ATXN10: variants seen among roughly 807,000 people sequenced by gnomAD.
ATXN10 encodes the protein ataxin-10.
Under a neutral mutation model 52.9 loss-of-function variants are expected in ATXN10, and 28 were observed. The ratio of observed to expected loss-of-function variants is 0.53; its 90% CI spans 0.39 to 0.73. The LOEUF (loss-of-function observed/expected upper bound fraction) is 0.73. Ranked by LOEUF, ATXN10 falls within the 30% of genes least tolerant of loss-of-function variation. The probability of loss-of-function intolerance (pLI) is 0.00; values close to 1 mark genes in which losing one functional copy is unlikely to be tolerated. For synonymous variants in ATXN10, 226 were observed against 221.5 expected (o/e 1.02, Z -0.18); for missense variants, 565 against 577.0 (o/e 0.98, Z 0.21).
intron 1 of ATXN10, chr22:45,679,213 T>C (rs1355782622): frequency 6.6e-6 from 1 of 152,232 alleles, no homozygotes; most frequent in Non-Finnish European, 1.5e-5. Flanking sequence ...TATTTACCTC[T>C]GTTTTCAGTA....
At position 45,692,996 on chromosome 22, in the gene ATXN10, G is replaced by A; in HGVS notation, c.309G>A (p.Arg103=). The A allele has an allele frequency of 6.2e-7, 1 of 1,613,952 alleles. No individual in the cohort carries two copies. The highest frequency in any genetic ancestry group is 8.5e-7 in the Non-Finnish European group (1 of 1,179,920). ...ATTTTGTCTTTTTTAAAAAACCCAG[G>A]AACTTGGATACGATTGGTGTTGCTG... is the stretch of plus-strand genomic sequence containing the variant. ...IECSVNQNSI[R]NLDTIGVAVD... The change falls in exon 3 of 12, where the codon AGG becomes AGA. Residue 103 remains arginine (R), a splice_region_variant and synonymous_variant. Coordinates refer to ENST00000252934, the MANE Select transcript of ATXN10 (RefSeq NM_013236.4).
At chr22:45,796,215 C>T (rs529306012) in intron 9 of ATXN10, among the ~76,000 whole-genome samples, 30 of 152,336 alleles carry the variant, frequency 2.0e-4, no homozygotes, top group African/African-American at 6.7e-4. Context: ...ACTCCCTGGT[C>T]TCCTGCAGCG....
chr22:45,725,516 T>C (rs1270279984), intron 6 of ATXN10, among the ~76,000 whole-genome samples: 1 of 152,154 alleles, frequency 6.6e-6, no homozygotes, highest in East Asian at 1.9e-4. Flanking sequence ...ATTGATTTTG[T>C]TACCTGAGAC....
At chr22:45,778,700 G>C (rs990996525) in intron 9 of ATXN10, among the ~76,000 whole-genome samples, 1 of 152,156 alleles carries the variant, frequency 6.6e-6, no homozygotes, top group African/African-American at 2.4e-5. Context: ...GAATAAAATC[G>C]TGTCACTGAG....
Position 45,775,848 on chromosome 22 carries a change from C to T in ATXN10, c.1174-31111C>T, listed in dbSNP as rs1437360066. On this transcript the variant is annotated intron_variant, in intron 9 of 11. Coordinates refer to ENST00000252934, the MANE Select transcript of ATXN10 (RefSeq NM_013236.4). The surrounding 1 kb of genome is among the most constrained non-coding windows in gnomAD (Gnocchi z 4.7). ...CTCTAACCTGATAGATCATTCCGCC[C>T]CTCACAGCCAGCCGGGAGGTAACAT... is the stretch of plus-strand genomic sequence containing the variant. Among the ~76,000 whole-genome samples, 2 of 151,816 alleles carry T rather than the reference C, an allele frequency of 1.3e-5. No individual in the cohort carries two copies. Among genetic ancestry groups the T allele is most frequent in the Non-Finnish European group, 2.9e-5 (2 of 68,022 alleles).
At chr22:45,698,982 C>T (rs1174667633) in intron 3 of ATXN10, among the ~76,000 whole-genome samples, 1 of 152,142 alleles carries the variant, frequency 6.6e-6, no homozygotes, top group Non-Finnish European at 1.5e-5. Context: ...TTTGTTACCA[C>T]ACTTGAGGTA....
In ATXN10 at chr22:45,740,489, T is replaced by G. The variant is rs752144311; in HGVS notation, c.1124T>G (p.Ile375Ser). Residue 375 changes from isoleucine (I) to serine (S), a missense_variant, in exon 9 of 12, where the codon ATT (isoleucine) becomes AGT (serine). Ile to Ser is a moderately radical substitution (Grantham distance 142). Coordinates refer to ENST00000252934, the MANE Select transcript of ATXN10 (RefSeq NM_013236.4). ...GCCAATGGGTTTAAGTCTCATCTCA[T>G]TCGTCTGATTGGAAATCTGTGTTAC... Reference protein sequence around the residue: ...NVANGFKSHLIRLIGNLCYKN... With the variant: ...NVANGFKSHLSRLIGNLCYKN... 3.0e-5 allele frequency: 48 copies of G among 1,613,760 alleles called. No homozygotes were observed. Among genetic ancestry groups the G allele is most frequent in the Non-Finnish European group, 3.9e-5 (46 of 1,179,908 alleles).
At chr22:45,807,129 C>A in intron 10 of ATXN10, 107 bp downstream of exon 10, 1 of 861,726 alleles carries the variant, frequency 1.2e-6, no homozygotes, top group Non-Finnish European at 2.0e-6. Flanking sequence ...GCCTTGCTTG[C>A]TTGTTTACTT....
At chr22:45,773,826 GAAAA>G (rs1270739185) in intron 9 of ATXN10, among the ~76,000 whole-genome samples, 4 of 151,570 alleles carry the variant, frequency 2.6e-5, no homozygotes, top group Non-Finnish European at 5.9e-5. Context: ...ACCACAGAAA[GAAAA>G]AAGAAATGAA....
intron 9 of ATXN10, among the ~76,000 whole-genome samples, chr22:45,755,302 A>G (rs1394485525): frequency 2.0e-5 from 3 of 152,176 alleles, no homozygotes; most frequent in Non-Finnish European, 4.4e-5. Flanking sequence ...GTTCAGATCT[A>G]TGTCAAAATG....
rs771073599 is a variant in ATXN10 at position 45,790,754 on chromosome 22, C to T, written c.1174-16205C>T. Among the ~76,000 whole-genome samples the T allele has an allele frequency of 6.6e-6, 1 of 152,234 alleles. No homozygotes were observed. Among genetic ancestry groups the T allele is most frequent in the African/African-American group, 2.4e-5 (1 of 41,456 alleles). On this transcript the variant is annotated intron_variant, in intron 9 of 11. Transcript: ENST00000252934. The surrounding 1 kb of genome is among the most constrained non-coding windows in gnomAD (Gnocchi z 4.7). ...GAAACATCTACTCTTTTCTACACTT[C>T]ACTGTAAGTGTGTTAGAACACAGTG...
Position 45,772,583 on chromosome 22 carries a change from ACT to A in ATXN10, c.1173+32048_1173+32049del, listed in dbSNP as rs1269579295. ...TAAATTTTAGAATAGCTTTTTCATAACTCTACAAAACTCTGCTGTGATTGTGA... is the reference window on the plus strand; with the variant it reads ...TAAATTTTAGAATAGCTTTTTCATAACTACAAAACTCTGCTGTGATTGTGA... On this transcript the variant is annotated intron_variant, in intron 9 of 11. Coordinates refer to ENST00000252934, the MANE Select transcript of ATXN10 (RefSeq NM_013236.4). The surrounding 1 kb of genome is among the most constrained non-coding windows in gnomAD (Gnocchi z 4.1). 1.3e-5 allele frequency among the ~76,000 whole-genome samples: 2 copies of A among 152,080 alleles called. No individual in the cohort carries two copies. Among genetic ancestry groups the A allele is most frequent in the African/African-American group, 2.4e-5 (1 of 41,426 alleles).
In ATXN10 at chr22:45,708,154, T is replaced by C. The variant is rs1924112278; in HGVS notation, c.647+5307T>C. Reference sequence around the variant, plus strand: ...GGTTTGAATTATTGGGATAATGTCTTTCTAAAAATGTCTGTTCTTTTGTTT... The same window carrying C: ...GGTTTGAATTATTGGGATAATGTCTCTCTAAAAATGTCTGTTCTTTTGTTT... On this transcript the variant is annotated intron_variant, in intron 5 of 11. Coordinates refer to ENST00000252934, the MANE Select transcript of ATXN10 (RefSeq NM_013236.4). The surrounding 1 kb of genome is among the most constrained non-coding windows in gnomAD (Gnocchi z 5.3). Among the ~76,000 whole-genome samples the C allele has an allele frequency of 6.6e-6, 1 of 152,234 alleles. No individual in the cohort carries two copies. The highest frequency in any genetic ancestry group is 2.1e-4 in the South Asian group (1 of 4,830).
intron 5 of ATXN10, among the ~76,000 whole-genome samples, chr22:45,717,513 T>A (rs969063871): frequency 6.6e-6 from 1 of 152,224 alleles, no homozygotes; most frequent in African/African-American, 2.4e-5. Context: ...TTATCCATTA[T>A]TTTTAGGAAT....
Position 45,843,550 on chromosome 22 carries a change from G to T in ATXN10, c.1426-119G>T. ...GAATAATATTGCATGAATTGTTTTA[G>T]GTTTCTCTAAGTTATTTGTCACCAC... On this transcript the variant is annotated intron_variant, in intron 11 of 11. Coordinates refer to ENST00000252934, the MANE Select transcript of ATXN10 (RefSeq NM_013236.4). This position sits in a 1 kb window ranked among gnomAD's most constrained non-coding sequence, Gnocchi z 4.5. 1.1e-6 allele frequency: 1 copy of T among 885,864 alleles called. No individual in the cohort carries two copies. The allele number at this position is 885,864 out of a possible 1,614,324, so 54.9% of individuals were successfully genotyped here. A position where few individuals can be genotyped will look rare whatever the true frequency, so the allele number is the denominator to read the frequency against.
At chr22:45,812,095 T>C (rs1290475986) in intron 10 of ATXN10, among the ~76,000 whole-genome samples, 1 of 152,186 alleles carries the variant, frequency 6.6e-6, no homozygotes, top group Non-Finnish European at 1.5e-5. Context: ...CATCTCTGCT[T>C]GTGCTCCTCC....
intron 9 of ATXN10, among the ~76,000 whole-genome samples, chr22:45,751,740 G>GGAAAAAAAAAAAAAAA (rs1555892667): frequency 4.4e-5 from 2 of 45,470 alleles, no homozygotes; most frequent in Non-Finnish European, 3.7e-5. Context: ...CCTTTTTCTG[G>GGAAAAAAAAAAAAAAA]AAAAAAAAAA....
intron 9 of ATXN10, among the ~76,000 whole-genome samples, chr22:45,797,253 T>C (rs1270237294): frequency 2.0e-5 from 3 of 152,324 alleles, no homozygotes; most frequent in African/African-American, 7.2e-5. Flanking sequence ...ACTGCACCAA[T>C]AACAGCATGT....
intron 6 of ATXN10, among the ~76,000 whole-genome samples, chr22:45,725,442 T>C (rs935121908): frequency 6.0e-5 from 9 of 149,618 alleles, no homozygotes; most frequent in African/African-American, 2.2e-4. Flanking sequence ...AAAGGGACTG[T>C]GTTCTTGATT....
Sources: allele counts gnomAD v4.1 joint callset (sites outside exome capture counted in the v4.1 genomes callset), GRCh38; gene constraint gnomAD v4.1.1; non-coding constraint Gnocchi (gnomAD v3.1); transcripts MANE v1.5; gene names NCBI Gene and HGNC (gene_info 2026-07-23, HGNC 2026-07-21).